The following MAGI2 variants were observed in gnomAD, a reference collection of about 807,000 sequenced individuals.
MAGI2 encodes membrane associated guanylate kinase, WW and PDZ domain containing 2, also known as membrane-associated guanylate kinase, WW and PDZ domain-containing protein 2.
In MAGI2, 35 loss-of-function variants were observed where a neutral mutation model predicts 133.3. That is an observed-to-expected ratio of 0.26 (90% confidence interval 0.20 to 0.35). The LOEUF (loss-of-function observed/expected upper bound fraction) is 0.35. Ranked by LOEUF, MAGI2 falls within the 10% of genes least tolerant of loss-of-function variation. The pLI is 1.00. For synonymous variants in MAGI2, 729 were observed against 710.6 expected (o/e 1.03, Z -0.41); for missense variants, 1,636 against 1,863.4 (o/e 0.88, Z 2.25).
intron 1 of MAGI2, among the ~76,000 whole-genome samples, chr7:79,141,047 G>T (rs1186748677): frequency 6.6e-6 from 1 of 152,154 alleles, no homozygotes; most frequent in African/African-American, 2.4e-5. Flanking sequence ...AATCCTTTCA[G>T]TTGTTTATAA....
At chr7:78,946,701 G>A (rs948808732) in intron 2 of MAGI2, 3 of 152,122 alleles carry the variant, frequency 2.0e-5, no homozygotes. Flanking sequence ...ACCAATAAGA[G>A]GCTTGTTTCA....
intron 20 of MAGI2, among the ~76,000 whole-genome samples, chr7:78,120,382 G>A (rs1820316114): frequency 6.6e-6 from 1 of 152,124 alleles, no homozygotes; most frequent in African/African-American, 2.4e-5. Flanking sequence ...CAGCCCAGGC[G>A]ACAGAGCAAG....
chr7:78,460,930 G>A (rs773531425), intron 6 of MAGI2, among the ~76,000 whole-genome samples: 1 of 144,934 alleles, frequency 6.9e-6, no homozygotes, highest in Non-Finnish European at 1.5e-5. Context: ...GAGTCAATAA[G>A]GATCTGGTAA....
chr7:79,205,048 T>G (rs1321508731), intron 1 of MAGI2, among the ~76,000 whole-genome samples: 2 of 151,746 alleles, frequency 1.3e-5, no homozygotes, highest in Non-Finnish European at 2.9e-5. Flanking sequence ...GATCAAGGGT[T>G]AGAAAGTTTA....
chr7:78,641,130 T>A (rs1454038340), intron 2 of MAGI2, among the ~76,000 whole-genome samples: 1 of 152,198 alleles, frequency 6.6e-6, no homozygotes, highest in Non-Finnish European at 1.5e-5. Context: ...ATTGTAAGTT[T>A]CCTGAGGCCT....
intron 18 of MAGI2, 117 bp downstream of exon 18, chr7:78,132,772 G>A (rs984170876): frequency 4.1e-5 from 59 of 1,455,628 alleles, no homozygotes; most frequent in Non-Finnish European, 5.3e-5. Context: ...AGGTATGCAC[G>A]GCGATTTCTA....
At chr7:79,149,093 T>C (rs1307165013) in intron 1 of MAGI2, among the ~76,000 whole-genome samples, 1 of 144,750 alleles carries the variant, frequency 6.9e-6, no homozygotes, top group East Asian at 2.0e-4. Context: ...TATATTTTTA[T>C]ATGTAATATA....
intron 16 of MAGI2, among the ~76,000 whole-genome samples, chr7:78,141,441 T>C (rs923387315): frequency 3.3e-5 from 5 of 152,236 alleles, no homozygotes; most frequent in Non-Finnish European, 1.5e-5. Context: ...TCCTGGAATA[T>C]GACAAGGTGT....
chr7:78,123,917 C>T (rs13438107), intron 20 of MAGI2, among the ~76,000 whole-genome samples: 3,113 of 152,230 alleles, frequency 0.02, 86 homozygotes, highest in East Asian at 0.07. Context: ...TGCCAGGAAC[C>T]GTGCTGAGAA....
chr7:79,234,540 C>T (rs540970164), intron 1 of MAGI2, among the ~76,000 whole-genome samples: 3,337 of 152,042 alleles, frequency 0.022, 47 homozygotes, highest in Non-Finnish European at 0.035. Flanking sequence ...TCATTTCATT[C>T]ATTTCATCTT....
intron 2 of MAGI2, among the ~76,000 whole-genome samples, chr7:78,855,765 C>G (rs1007086005): frequency 6.6e-6 from 1 of 152,108 alleles, no homozygotes; most frequent in Non-Finnish European, 1.5e-5. Flanking sequence ...TTTGGGTATA[C>G]GCCCAGTAAT....
chr7:79,382,843 T>C (rs557545067), intron 1 of MAGI2, among the ~76,000 whole-genome samples: 1 of 151,696 alleles, frequency 6.6e-6, no homozygotes, highest in Admixed American at 6.6e-5. Flanking sequence ...TCTCAGATTA[T>C]AAATCTCTGA....
intron 2 of MAGI2, among the ~76,000 whole-genome samples, chr7:78,858,433 T>G (rs984673022): frequency 6.6e-6 from 1 of 152,082 alleles, no homozygotes; most frequent in African/African-American, 2.4e-5. Context: ...ATGTGTCCCA[T>G]AGATTCTGGT....
intron 3 of MAGI2, among the ~76,000 whole-genome samples, chr7:78,529,370 T>C (rs977689483): frequency 7.2e-5 from 11 of 152,194 alleles, no homozygotes; most frequent in African/African-American, 2.7e-4. Context: ...TCAGGTGTTA[T>C]CAGAGTAGCT....
intron 1 of MAGI2, among the ~76,000 whole-genome samples, chr7:79,361,410 C>T (rs1212329674): frequency 6.6e-6 from 1 of 152,066 alleles, no homozygotes; most frequent in Non-Finnish European, 1.5e-5. Context: ...GGAGGGCCCC[C>T]TACTGACATA....
intron 2 of MAGI2, among the ~76,000 whole-genome samples, chr7:78,857,391 G>C (rs1563587134): frequency 6.6e-6 from 1 of 152,176 alleles, no homozygotes. Flanking sequence ...CTGTGGGTTT[G>C]TCATAGATAG....
At chr7:78,135,958 G>A (rs937996822) in intron 16 of MAGI2, among the ~76,000 whole-genome samples, 3 of 151,502 alleles carry the variant, frequency 2.0e-5, no homozygotes, top group Non-Finnish European at 4.4e-5. Context: ...TATATGCCAC[G>A]GGAAAAAAAA....
intron 1 of MAGI2, among the ~76,000 whole-genome samples, chr7:79,206,155 T>C (rs1829038098): frequency 6.6e-6 from 1 of 151,308 alleles, no homozygotes; most frequent in African/African-American, 2.4e-5. Context: ...TAACCTAATG[T>C]TGCATCATAA....
chr7:78,217,854 G>C (rs1043647554), intron 10 of MAGI2, among the ~76,000 whole-genome samples: 1 of 152,228 alleles, frequency 6.6e-6, no homozygotes, highest in Non-Finnish European at 1.5e-5. Flanking sequence ...GAAGAGGCCA[G>C]CAATAGTGAC....
Sources: gnomAD v4.1 joint callset for allele counts (sites outside exome capture counted in the v4.1 genomes callset) on GRCh38, gnomAD v4.1.1 for gene constraint, MANE v1.5 for transcripts, NCBI Gene and HGNC (gene_info 2026-07-23, HGNC 2026-07-21) for gene names.